Variants in SLC8A1 observed in about 807,000 individuals in gnomAD.
SLC8A1 encodes solute carrier family 8 member A1, also known as sodium/calcium exchanger 1.
In SLC8A1, 18 loss-of-function variants were observed where a neutral mutation model predicts 68.3. The ratio of observed to expected loss-of-function variants is 0.26; its 90% confidence interval spans 0.18 to 0.39. SLC8A1 has a LOEUF of 0.39. Among genes scored for constraint, SLC8A1 ranks in the 10% least tolerant of loss-of-function variants. SLC8A1 has a pLI of 1.00. For missense variants in SLC8A1, 985 were observed against 1,156.7 expected, an observed-to-expected ratio of 0.85 and a Z score of 2.15; for synonymous variants, 475 against 415.5, an observed-to-expected ratio of 1.14 and a Z score of -1.74.
intron 7 of SLC8A1, among the ~76,000 whole-genome samples, chr2:40,132,897 T>C (rs1005172397): frequency 6.6e-6 from 1 of 152,240 alleles, no homozygotes; most frequent in Non-Finnish European, 1.5e-5. Context: ...AAAATGTTCC[T>C]TCTCTGCTCA....
At chr2:40,426,086 C>G (rs1249743597) in intron 2 of SLC8A1, among the ~76,000 whole-genome samples, 1 of 151,930 alleles carries the variant, frequency 6.6e-6, no homozygotes, top group African/African-American at 2.4e-5. Context: ...TATTTAGCAT[C>G]TACAAAGCTT....
chr2:40,507,797 G>T (rs1267597067), intron 1 of SLC8A1, among the ~76,000 whole-genome samples: 1 of 151,998 alleles, frequency 6.6e-6, no homozygotes, highest in African/African-American at 2.4e-5. Context: ...AGTGTGCTTG[G>T]AAAATAGTAA....
rs1475576529 is a variant in SLC8A1 at position 40,313,759 on chromosome 2, G to T, written c.1808+114714C>A. On this transcript the variant is annotated intron_variant, in intron 2 of 7. Transcript: ENST00000406785. ...CAGTGTGCATTACTATTTCATTGGG[G>T]TTAATTTACATTTCCCTAGTGAGTA... Among the ~76,000 whole-genome samples the T allele has an allele frequency of 5.9e-5, 9 of 152,018 alleles. No individual in the cohort carries two copies. The South Asian group carries it at 1.2e-3, about 21-fold the overall frequency.
chr2:40,161,000 C>G (rs1039301764), intron 5 of SLC8A1, 136 bp from the exon 9 acceptor site: 1 of 632,650 alleles, frequency 1.6e-6, no homozygotes, highest in Admixed American at 2.7e-5. Context: ...GTATTGACAT[C>G]AAACACTGTT....
chr2:40,173,190 C>G (rs2047844789), intron 4 of SLC8A1, among the ~76,000 whole-genome samples: 1 of 151,986 alleles, frequency 6.6e-6, no homozygotes. Context: ...TTCAAATCTC[C>G]CAGGGATAAC....
intron 2 of SLC8A1, 121 bp downstream of exon 3, chr2:40,178,266 G>C (rs2048836955): frequency 1.3e-6 from 1 of 777,994 alleles, no homozygotes; most frequent in African/African-American, 1.7e-5. Context: ...TGAGATCTGT[G>C]CCCTGTTACA....
intron 2 of SLC8A1, among the ~76,000 whole-genome samples, chr2:40,363,582 C>A (rs1234366428): frequency 6.6e-6 from 1 of 152,060 alleles, no homozygotes; most frequent in African/African-American, 2.4e-5. Context: ...CTCAAAAAAC[C>A]GTGCCTTACC....
At chr2:40,177,983 G>A in intron 2 of SLC8A1, 1 of 661,422 alleles carries the variant, frequency 1.5e-6, no homozygotes, top group Admixed American at 2.4e-5. Context: ...GCCTCCTGAA[G>A]TATGTAAAAG....
At chr2:40,496,579 G>C (rs1705716969) in intron 1 of SLC8A1, among the ~76,000 whole-genome samples, 2 of 151,756 alleles carry the variant, frequency 1.3e-5, no homozygotes, top group Admixed American at 6.6e-5. Flanking sequence ...TTACAAGCAG[G>C]GTATTCAATT....
chr2:40,143,737 C>T (rs181684529), intron 6 of SLC8A1, among the ~76,000 whole-genome samples: 140 of 152,232 alleles, frequency 9.2e-4, no homozygotes, highest in African/African-American at 3.1e-3. Flanking sequence ...GCATGACTGA[C>T]GGTGAAAGAC....
At chr2:40,177,618 T>A (rs1052897762) in intron 3 of SLC8A1, 1 of 551,142 alleles carries the variant, frequency 1.8e-6, no homozygotes, top group African/African-American at 1.9e-5. Flanking sequence ...GAAATGAAAT[T>A]GCTAAAGCTT....
intron 4 of SLC8A1, 138 bp downstream of exon 6, chr2:40,174,568 C>T (rs982049824): frequency 5.0e-5 from 41 of 817,084 alleles, no homozygotes; most frequent in Non-Finnish European, 6.7e-5. Flanking sequence ...ATTTGTAAAA[C>T]GTTAAATGTG....
chr2:40,424,172 A>AT (rs1374731412), intron 2 of SLC8A1, among the ~76,000 whole-genome samples: 1 of 151,742 alleles, frequency 6.6e-6, no homozygotes, highest in Non-Finnish European at 1.5e-5. Flanking sequence ...GTCTTGTGAT[A>AT]TTTTTTCTAA....
At chr2:40,431,227 T>G (rs1294200371) in intron 1 of SLC8A1, among the ~76,000 whole-genome samples, 1 of 151,880 alleles carries the variant, frequency 6.6e-6, no homozygotes. Flanking sequence ...GGAATCAGCG[T>G]CACCAACCTT....
chr2:40,313,848 T>G (rs532593592), intron 2 of SLC8A1, among the ~76,000 whole-genome samples: 121 of 152,272 alleles, frequency 7.9e-4, no homozygotes, highest in Non-Finnish European at 1.3e-3. Flanking sequence ...GTGAAATATC[T>G]GCTCAAATAT....
intron 2 of SLC8A1, among the ~76,000 whole-genome samples, chr2:40,202,505 T>G (rs918127964): frequency 6.6e-6 from 1 of 152,008 alleles, no homozygotes. Context: ...TGCTTCAACT[T>G]TGCATTTCTG....
chr2:40,461,174 A>G (rs961760187), intron 1 of SLC8A1, among the ~76,000 whole-genome samples: 1 of 152,184 alleles, frequency 6.6e-6, no homozygotes, highest in East Asian at 1.9e-4. Flanking sequence ...TATAATTTCT[A>G]TAAAGTCGAT....
At chr2:40,108,700 C>A (rs973920850) in exon 8 of SLC8A1, 1 of 152,084 alleles carries the variant, frequency 6.6e-6, no homozygotes, top group Non-Finnish European at 1.5e-5. Flanking sequence ...AATGTTTGTA[C>A]AATTTAGTTC....
At chr2:40,216,163 C>T (rs541087319) in intron 2 of SLC8A1, among the ~76,000 whole-genome samples, 1 of 152,228 alleles carries the variant, frequency 6.6e-6, no homozygotes, top group Non-Finnish European at 1.5e-5. Flanking sequence ...TCAACACCCA[C>T]CCACCGACAG....
Sources: allele counts gnomAD v4.1 joint callset (sites outside exome capture counted in the v4.1 genomes callset), GRCh38; gene constraint gnomAD v4.1.1; transcripts MANE v1.5; gene names NCBI Gene and HGNC (gene_info 2026-07-23, HGNC 2026-07-21).